The following CLVS1 variants were observed in gnomAD, a reference collection of about 807,000 sequenced individuals.
The protein encoded by CLVS1 is clavesin 1, also known as clavesin-1.
CLVS1 carries 10 observed loss-of-function variants against 33.1 expected under a neutral mutation model. That is an observed-to-expected ratio of 0.30 (90% CI 0.19 to 0.51). CLVS1 has a LOEUF of 0.51. Among genes scored for constraint, CLVS1 ranks in the 20% least tolerant of loss-of-function variants. The pLI is 0.97. For missense variants in CLVS1, 343 were observed against 433.4 expected (o/e 0.79, Z 1.85); for synonymous variants, 163 against 166.1 (o/e 0.98, Z 0.14).
chr8:61,358,822 G>A (rs866574376), intron 2 of CLVS1, among the ~76,000 whole-genome samples: 3 of 152,118 alleles, frequency 2.0e-5, no homozygotes, highest in South Asian at 2.1e-4. Flanking sequence ...CCACCCAAAT[G>A]TATAGAAGGC....
At chr8:61,416,909 T>G (rs1020514271) in intron 3 of CLVS1, among the ~76,000 whole-genome samples, 2 of 152,050 alleles carry the variant, frequency 1.3e-5, no homozygotes, top group African/African-American at 4.8e-5. Flanking sequence ...TCTAGAGAGT[T>G]TGAGAGGGTG....
At chr8:61,157,010 A>C (rs1033742995) in intron 2 of CLVS1, among the ~76,000 whole-genome samples, 2 of 152,202 alleles carry the variant, frequency 1.3e-5, no homozygotes, top group African/African-American at 4.8e-5. Context: ...GAAGGAAAAC[A>C]ATGAATTTTG....
chr8:61,423,536 T>G (rs1008637919), intron 3 of CLVS1, among the ~76,000 whole-genome samples: 1 of 152,178 alleles, frequency 6.6e-6, no homozygotes, highest in Non-Finnish European at 1.5e-5. Context: ...AGTGAAACCT[T>G]GTCAGTGTTG....
chr8:61,124,112 T>C (rs1050040853), intron 1 of CLVS1, among the ~76,000 whole-genome samples: 8 of 152,226 alleles, frequency 5.3e-5, no homozygotes, highest in Non-Finnish European at 8.8e-5. Flanking sequence ...GCTGAAACTT[T>C]AGTAAGTTAC....
At chr8:61,153,749 T>A (rs917332471) in intron 2 of CLVS1, among the ~76,000 whole-genome samples, 3 of 152,058 alleles carry the variant, frequency 2.0e-5, no homozygotes, top group African/African-American at 7.2e-5. Context: ...GCTTACAGTG[T>A]TCGCTGCCAT....
At chr8:61,473,159 AC>A (rs1292406021) in intron 5 of CLVS1, among the ~76,000 whole-genome samples, 3 of 151,972 alleles carry the variant, frequency 2.0e-5, no homozygotes, top group Admixed American at 1.3e-4. Context: ...TGAGAAAAGT[AC>A]CCCAAGCAAA....
At chr8:61,476,313 G>C (rs1472392689) in intron 5 of CLVS1, among the ~76,000 whole-genome samples, 1 of 152,178 alleles carries the variant, frequency 6.6e-6, no homozygotes, top group Admixed American at 6.5e-5. Context: ...CTTTAAAGTA[G>C]TTTTTTCCAA....
chr8:61,355,866 A>G lies in CLVS1; in HGVS notation c.456-20739A>G, dbSNP rs557796553. Among the ~76,000 whole-genome samples, 304 of 152,342 alleles carry G rather than the reference A, an allele frequency of 2.0e-3. 3 individuals are homozygous for G. The highest frequency in any genetic ancestry group is 3.4e-3 in the Middle Eastern group (1 of 294). ...TTTTGCTATTGTGAATAGTGCCGCA[A>G]TAAACATACGTGTGCATGTGTTTTT... is the stretch of plus-strand genomic sequence containing the variant. On this transcript the variant is annotated intron_variant, in intron 2 of 5. Coordinates refer to ENST00000325897, the MANE Select transcript of CLVS1 (RefSeq NM_173519.3).
At chr8:61,431,743 C>T (rs1816122876) in intron 3 of CLVS1, among the ~76,000 whole-genome samples, 1 of 152,058 alleles carries the variant, frequency 6.6e-6, no homozygotes. Flanking sequence ...ATCCCCAGGT[C>T]CTGAAATTTT....
At chr8:61,390,097 G>A (rs1056306252) in intron 3 of CLVS1, among the ~76,000 whole-genome samples, 1 of 152,156 alleles carries the variant, frequency 6.6e-6, no homozygotes, top group Non-Finnish European at 1.5e-5. Flanking sequence ...ATTCTTGGGA[G>A]TTCCTTACAC....
chr8:60,978,906 C>T, the CLVS1 span, among the ~76,000 whole-genome samples: 1 of 142,552 alleles, frequency 7.0e-6, no homozygotes, highest in Non-Finnish European at 1.5e-5. Flanking sequence ...ATCAAGCAAA[C>T]TAAAACCATT....
At chr8:61,485,110 A>C (rs963801088) in intron 5 of CLVS1, among the ~76,000 whole-genome samples, 10 of 151,926 alleles carry the variant, frequency 6.6e-5, no homozygotes, top group Admixed American at 5.2e-4. Flanking sequence ...TAATTAAACT[A>C]AAGAGCTTCT....
At chr8:61,136,988 A>G (rs1227113480) in intron 2 of CLVS1, among the ~76,000 whole-genome samples, 1 of 152,212 alleles carries the variant, frequency 6.6e-6, no homozygotes, top group Non-Finnish European at 1.5e-5. Flanking sequence ...AATGTGATCA[A>G]TGAGGAAGCA....
intron 2 of CLVS1, among the ~76,000 whole-genome samples, chr8:61,361,876 G>A (rs1028880631): frequency 6.6e-6 from 1 of 152,122 alleles, no homozygotes; most frequent in Non-Finnish European, 1.5e-5. Context: ...GGAAGTAAAG[G>A]CTACTGTAAT....
intron 2 of CLVS1, among the ~76,000 whole-genome samples, chr8:61,201,055 G>A (rs923627730): frequency 6.6e-6 from 1 of 152,042 alleles, no homozygotes. Flanking sequence ...TCCTTTCCTT[G>A]ACCTTCTTTT....
intron 2 of CLVS1, among the ~76,000 whole-genome samples, chr8:61,334,894 A>G (rs905435545): frequency 1.3e-4 from 20 of 152,244 alleles, no homozygotes; most frequent in African/African-American, 4.6e-4. Context: ...CTGGCTGTGC[A>G]GGAGACCAGA....
At chr8:61,181,637 T>C (rs1199740276) in intron 2 of CLVS1, among the ~76,000 whole-genome samples, 4 of 150,070 alleles carry the variant, frequency 2.7e-5, no homozygotes, top group African/African-American at 9.8e-5. Flanking sequence ...AACAGACATA[T>C]AGAGCAATGG....
chr8:61,255,138 A>G (rs9643526), intron 2 of CLVS1, among the ~76,000 whole-genome samples: 22,033 of 152,126 alleles, frequency 0.14, 3,348 homozygotes, highest in East Asian at 0.67. Context: ...TTGTAAAACT[A>G]TAATTATAAA....
intron 1 of CLVS1, among the ~76,000 whole-genome samples, chr8:61,084,181 C>G (rs940145094): frequency 3.9e-5 from 6 of 152,150 alleles, no homozygotes; most frequent in African/African-American, 1.4e-4. Flanking sequence ...GGATTGAAGA[C>G]TATATCGTCC....
Sources: gnomAD v4.1 joint callset for allele counts (sites outside exome capture counted in the v4.1 genomes callset) on GRCh38, gnomAD v4.1.1 for gene constraint, MANE v1.5 for transcripts, NCBI Gene and HGNC (gene_info 2026-07-23, HGNC 2026-07-21) for gene names.